RBX1: variants seen among roughly 807,000 people sequenced by gnomAD.
RBX1 encodes ring-box 1, also known as E3 ubiquitin-protein ligase RBX1.
For missense variants in RBX1, 46 were observed against 141.4 expected (o/e 0.33, Z 3.42); for synonymous variants, 48 against 47.9 (o/e 1.00, Z -0.01).
intron 3 of RBX1, 142 bp from the exon 4 acceptor site, chr22:40,967,657 G>A: frequency 1.7e-6 from 1 of 593,772 alleles, no homozygotes; most frequent in Middle Eastern, 4.4e-4. Flanking sequence ...ATAATCAGTT[G>A]TTGAACTTTT....
chr22:40,964,924 A>G (rs2058349967), intron 3 of RBX1, among the ~76,000 whole-genome samples: 2 of 152,234 alleles, frequency 1.3e-5, no homozygotes. Context: ...AGTGGACCAC[A>G]TAAAATTGTA....
Position 40,972,690 on chromosome 22 carries a change from A to T in RBX1, c.*202A>T. 1 of 536,118 alleles carries T rather than the reference A, an allele frequency of 1.9e-6. No homozygotes were observed. Among genetic ancestry groups the T allele is most frequent in the East Asian group, 3.1e-5 (1 of 32,692 alleles). 33.2% of individuals were successfully genotyped at this position (536,118 alleles called of 1,614,324 possible). A position where few individuals can be genotyped will look rare whatever the true frequency, so the allele number is the denominator to read the frequency against. Reference sequence around the variant, plus strand: ...CGGATGCTCTCTCTTGTGTATGTGAACAAAGTGAACATAAATGAAGAGTCT... The same window carrying T: ...CGGATGCTCTCTCTTGTGTATGTGATCAAAGTGAACATAAATGAAGAGTCT... On this transcript the variant is annotated 3_prime_UTR_variant, in exon 5 of 5. Coordinates refer to ENST00000216225, the MANE Select transcript of RBX1 (RefSeq NM_014248.4).
chr22:40,951,386 G>A lies in RBX1; in HGVS notation c.-13G>A. The A allele has an allele frequency of 3.1e-6, 5 of 1,612,034 alleles. No individual in the cohort carries two copies. Among genetic ancestry groups the A allele is most frequent in the Non-Finnish European group, 4.2e-6 (5 of 1,178,788 alleles). ...AGGCGCGGTGGTCGGACGACAGACC[G>A]TGTGTTTCCAAAATGGCGGCAGCGA... On this transcript the variant is annotated 5_prime_UTR_variant, in exon 1 of 5. It adds an upstream start codon to the 5' untranslated region. Coordinates refer to ENST00000216225, the MANE Select transcript of RBX1 (RefSeq NM_014248.4).
chr22:40,954,481 T>G (rs900021949), intron 2 of RBX1, among the ~76,000 whole-genome samples: 2 of 152,208 alleles, frequency 1.3e-5, no homozygotes, highest in South Asian at 4.1e-4. Flanking sequence ...CACATAGTGA[T>G]CTGATTATAG....
rs73174614 is a variant in RBX1, at chr22:40,955,234, G to A, written c.157+1601G>A. 2.1e-4 allele frequency among the ~76,000 whole-genome samples: 31 copies of A among 150,156 alleles called. No homozygotes were observed. In the East Asian group the frequency reaches 3.7e-3, roughly 18 times the overall value. ...TCTGAATGTAAGCCAGTACAAACACGTATATAATTTTAAATTTTCTTTTTC... is the reference window on the plus strand; with the variant it reads ...TCTGAATGTAAGCCAGTACAAACACATATATAATTTTAAATTTTCTTTTTC... On this transcript the variant is annotated intron_variant, in intron 2 of 4. Coordinates refer to ENST00000216225, the MANE Select transcript of RBX1 (RefSeq NM_014248.4).
chr22:40,954,541 T>A (rs1441044810), intron 2 of RBX1, among the ~76,000 whole-genome samples: 1 of 152,160 alleles, frequency 6.6e-6, no homozygotes, highest in African/African-American at 2.4e-5. Context: ...ACAAGAATGT[T>A]GATCACACCA....
Position 40,951,409 on chromosome 22 carries a change from C to A in RBX1, c.11C>A (p.Ala4Glu). Residue 4 changes from alanine to glutamate, a missense_variant, in exon 1 of 5, where the codon GCG (alanine) becomes GAG (glutamate). Physicochemically the swap from Ala to Glu is moderately radical, Grantham distance 107. Coordinates refer to ENST00000216225, the MANE Select transcript of RBX1 (RefSeq NM_014248.4). MAA[A>E]MDVDTPSGTN... ...CCGTGTGTTTCCAAAATGGCGGCAG[C>A]GATGGATGTGGATACCCCGAGCGGC... 6.2e-7 allele frequency: 1 copy of A among 1,612,550 alleles called. No homozygotes were observed. Among genetic ancestry groups the A allele is most frequent in the Non-Finnish European group, 8.5e-7 (1 of 1,179,132 alleles).
At chr22:40,959,394 A>G (rs2058333878) in intron 2 of RBX1, among the ~76,000 whole-genome samples, 1 of 152,238 alleles carries the variant, frequency 6.6e-6, no homozygotes. Flanking sequence ...AAACTTTTGT[A>G]TTGAGCACAT....
intron 2 of RBX1, among the ~76,000 whole-genome samples, chr22:40,962,745 T>C (rs946531596): frequency 5.9e-5 from 9 of 151,474 alleles, no homozygotes; most frequent in Non-Finnish European, 1.2e-4. Flanking sequence ...CAGGCTCCAG[T>C]GCAGTGATGC....
At chr22:40,951,850 T>G (rs115677290) in intron 1 of RBX1, among the ~76,000 whole-genome samples, 1 of 151,448 alleles carries the variant, frequency 6.6e-6, no homozygotes, top group South Asian at 2.1e-4. Flanking sequence ...AATGCGGCGG[T>G]GGAGGATGGG....
chr22:40,952,090 C>T (rs1052879214), intron 1 of RBX1, among the ~76,000 whole-genome samples: 12 of 152,210 alleles, frequency 7.9e-5, no homozygotes, highest in African/African-American at 2.9e-4. Flanking sequence ...ACACAACCAC[C>T]CCACTCTTGG....
At chr22:40,957,887 C>T (rs1462120575) in intron 2 of RBX1, among the ~76,000 whole-genome samples, 1 of 152,026 alleles carries the variant, frequency 6.6e-6, no homozygotes, top group East Asian at 1.9e-4. Context: ...TGCAGTGGCA[C>T]GATCTCGGCT....
intron 3 of RBX1, 23 bp from the exon 4 acceptor site, chr22:40,967,776 A>G (rs2058358135): frequency 6.2e-7 from 1 of 1,602,438 alleles, no homozygotes; most frequent in Non-Finnish European, 8.5e-7. Flanking sequence ...GTTATTTTTA[A>G]TAAAATATAT....
chr22:40,951,658 T>C (rs1490184770), intron 1 of RBX1, among the ~76,000 whole-genome samples, 182 bp downstream of exon 1: 2 of 151,788 alleles, frequency 1.3e-5, no homozygotes, highest in African/African-American at 4.8e-5. Flanking sequence ...CGGCCCACTG[T>C]TGGGGGAAGT....
chr22:40,952,013 C>T (rs2058312432), intron 1 of RBX1, among the ~76,000 whole-genome samples: 1 of 151,776 alleles, frequency 6.6e-6, no homozygotes, highest in South Asian at 2.1e-4. Flanking sequence ...TGAACCGAGG[C>T]CTCACACTGC....
At chr22:40,956,877 T>G (rs1231478678) in intron 2 of RBX1, among the ~76,000 whole-genome samples, 1 of 150,426 alleles carries the variant, frequency 6.6e-6, no homozygotes, top group Non-Finnish European at 1.5e-5. Flanking sequence ...CCACTAAAAA[T>G]ACAAAAAATT....
intron 2 of RBX1, among the ~76,000 whole-genome samples, chr22:40,959,299 GTTCTGGGT>G (rs1336797790): frequency 6.6e-6 from 1 of 152,178 alleles, no homozygotes; most frequent in Non-Finnish European, 1.5e-5. Flanking sequence ...CTGTCAACCT[GTTCTGGGT>G]TGACAGTGAA....
chr22:40,972,054 C>T (rs922064989), intron 4 of RBX1, among the ~76,000 whole-genome samples: 2 of 152,176 alleles, frequency 1.3e-5, no homozygotes, highest in Non-Finnish European at 2.9e-5. Flanking sequence ...CCTAAACATG[C>T]CTGAGTACTG....
At chr22:40,957,343 C>G in intron 2 of RBX1, among the ~76,000 whole-genome samples, 1 of 135,990 alleles carries the variant, frequency 7.4e-6, no homozygotes, top group East Asian at 2.8e-4. Context: ...AAAACTCTGT[C>G]TCAAAAAAAA....
Sources: allele counts gnomAD v4.1 joint callset (sites outside exome capture counted in the v4.1 genomes callset), GRCh38; gene constraint gnomAD v4.1.1; transcripts MANE v1.5; gene names NCBI Gene and HGNC (gene_info 2026-07-23, HGNC 2026-07-21).